USP8: variants seen among roughly 807,000 people sequenced by gnomAD.
USP8 encodes ubiquitin specific peptidase 8.
A neutral mutation model predicts 130.0 loss-of-function variants in USP8; 27 were observed. That is an observed-to-expected ratio of 0.21 (90% CI 0.15 to 0.29). The LOEUF (loss-of-function observed/expected upper bound fraction) is 0.29. Among genes scored for constraint, USP8 ranks in the 10% least tolerant of loss-of-function variants. The pLI, the probability that USP8 is intolerant of heterozygous loss-of-function variation, is 1.00. For synonymous variants in USP8, 392 were observed against 444.1 expected (o/e 0.88, Z 1.48); for missense variants, 1,029 against 1,312.2 (o/e 0.78, Z 3.33).
rs762795803 is a variant in USP8, at chr15:50,499,023, T to G, written c.3292T>G (p.Ser1098Ala). 1.9e-6 allele frequency: 3 copies of G among 1,613,956 alleles called. No homozygotes were observed. Among genetic ancestry groups the G allele is most frequent in the African/African-American group, 1.3e-5 (1 of 75,048 alleles). Residue 1098 changes from serine (S) to alanine (A), a missense_variant, in exon 20 of 20, where the codon TCT becomes GCT. This residue lies in a region of USP8 where 257 missense variants were observed against 429.8 expected (regional missense o/e 0.60). Coordinates refer to ENST00000307179, the MANE Select transcript of USP8 (RefSeq NM_005154.5). ...VSDISVSSVK[S>A]SAAYILFYTS... is the part of the protein sequence containing the mutation. ...TGATATCTCCGTTTCTTCTGTGAAA[T>G]CTTCAGCAGCTTATATCCTCTTTTA...
chr15:50,495,820 T>C, intron 16 of USP8, 28 bp from the exon 17 acceptor site: 1 of 1,543,360 alleles, frequency 6.5e-7, no homozygotes. Flanking sequence ...GAGATATTAA[T>C]ATAGAGCTTA....
chr15:50,427,962 A>G (rs1043671691), intron 1 of USP8, among the ~76,000 whole-genome samples: 1 of 151,254 alleles, frequency 6.6e-6, no homozygotes, highest in Admixed American at 6.6e-5. Context: ...GGCTCAAGTG[A>G]TCCTCCTGCC....
chr15:50,459,514 G>A (rs1445613742), intron 5 of USP8, among the ~76,000 whole-genome samples: 7 of 152,054 alleles, frequency 4.6e-5, no homozygotes, highest in African/African-American at 1.7e-4. Flanking sequence ...AACCCAGGAG[G>A]CAGAGGCTGC....
At chr15:50,484,742 A>G (rs945752566) in intron 12 of USP8, among the ~76,000 whole-genome samples, 2 of 152,228 alleles carry the variant, frequency 1.3e-5, no homozygotes, top group Non-Finnish European at 2.9e-5. Context: ...AGCAACCCAA[A>G]TGTCCATCAG....
At chr15:50,457,189 G>A (rs1433800638) in intron 4 of USP8, among the ~76,000 whole-genome samples, 1 of 152,150 alleles carries the variant, frequency 6.6e-6, no homozygotes, top group Non-Finnish European at 1.5e-5. Context: ...ACAGTTATTT[G>A]AATAGTCACC....
chr15:50,430,119 A>AT (rs917120608), intron 1 of USP8, among the ~76,000 whole-genome samples: 4 of 152,106 alleles, frequency 2.6e-5, no homozygotes, highest in African/African-American at 7.2e-5. Flanking sequence ...TAAGAGTTGT[A>AT]TTTTTTTAGT....
At chr15:50,459,699 A>G (rs1285356454) in intron 5 of USP8, among the ~76,000 whole-genome samples, 2 of 152,186 alleles carry the variant, frequency 1.3e-5, no homozygotes, top group African/African-American at 4.8e-5. Context: ...AGCAGACATT[A>G]TAAACTTAAT....
Position 50,499,013 on chromosome 15 carries a change from T to C in USP8, c.3282T>C (p.Ser1094=). 6.2e-7 allele frequency: 1 copy of C among 1,614,010 alleles called. No individual in the cohort carries two copies. Among genetic ancestry groups the C allele is most frequent in the Non-Finnish European group, 8.5e-7 (1 of 1,179,906 alleles). Residue 1094 remains serine (S), a synonymous_variant, in exon 20 of 20, where the codon TCT becomes TCC. Transcript: ENST00000307179. ...ATGAAGTTTCTGATATCTCCGTTTC[T>C]TCTGTGAAATCTTCAGCAGCTTATA... is the stretch of plus-strand genomic sequence containing the variant. ...DDHEVSDISV[S]SVKSSAAYIL...
Position 50,492,816 on chromosome 15 carries a change from A to G in USP8, c.2350A>G (p.Asn784Asp). The change falls in exon 15 of 20, where the codon AAT becomes GAT. Residue 784 changes from asparagine to aspartate, a missense_variant. Physicochemically the swap from Asn to Asp is conservative, Grantham distance 23. Around this residue, in one of 4 missense-constraint regions of USP8, gnomAD observed 257 missense variants for 429.8 expected, o/e 0.60. Coordinates refer to ENST00000307179, the MANE Select transcript of USP8 (RefSeq NM_005154.5). The stretch of plus-strand genomic sequence containing the variant: ...TCTTACTGGACTTCGTAACTTAGGA[A>G]ATACTTGTTATATGAACTCAATATT... ...PALTGLRNLG[N>D]TCYMNSILQC... The G allele has an allele frequency of 6.2e-7, 1 of 1,614,180 alleles. No individual in the cohort carries two copies. The highest frequency in any genetic ancestry group is 8.5e-7 in the Non-Finnish European group (1 of 1,180,032).
chr15:50,459,379 C>T (rs1163371974), intron 5 of USP8, among the ~76,000 whole-genome samples: 3 of 152,050 alleles, frequency 2.0e-5, no homozygotes, highest in Admixed American at 1.3e-4. Flanking sequence ...AGGCCAGGAG[C>T]TCAAAACCAG....
rs2052551345 is a variant in USP8, at chr15:50,499,964, T to C, written c.*876T>C. On this transcript the variant is annotated 3_prime_UTR_variant, in exon 20 of 20. Transcript: ENST00000307179. ...TAAAAATGCCGGGAGTCAGGCATGA[T>C]TGCAAAGTGAACTGCATTATAAACT... 6.6e-6 allele frequency: 1 copy of C among 152,162 alleles called. No individual in the cohort carries two copies. The highest frequency in any genetic ancestry group is 2.4e-5 in the African/African-American group (1 of 41,436). 9.4% of individuals were successfully genotyped at this position (152,162 alleles called of 1,614,324 possible).
At chr15:50,472,762 T>C (rs1328407673) in intron 8 of USP8, among the ~76,000 whole-genome samples, 2 of 151,754 alleles carry the variant, frequency 1.3e-5, no homozygotes, top group Non-Finnish European at 2.9e-5. Flanking sequence ...AACAAAAAAT[T>C]AGTCGGGCAT....
rs189169648 is a variant in USP8 at position 50,424,432 on chromosome 15, C to T, written c.-148C>T. Reference sequence around the variant, plus strand: ...GCTGGGCTGGCTTCCGTCCTGGTAGCCAAGGCTAATTCTCCCTCGAGTTCT... The same window carrying T: ...GCTGGGCTGGCTTCCGTCCTGGTAGTCAAGGCTAATTCTCCCTCGAGTTCT... On this transcript the variant is annotated 5_prime_UTR_variant, in exon 1 of 20. Coordinates refer to ENST00000307179, the MANE Select transcript of USP8 (RefSeq NM_005154.5). The T allele has an allele frequency of 1.3e-5, 5 of 398,712 alleles. No homozygotes were observed. In the East Asian group the frequency reaches 1.4e-4, roughly 11 times the overall value. The allele number at this position is 398,712 out of a possible 1,614,324, so 24.7% of individuals were successfully genotyped here.
At chr15:50,495,757 A>C in intron 16 of USP8, 91 bp from the exon 17 acceptor site, 1 of 1,041,370 alleles carries the variant, frequency 9.6e-7, no homozygotes, top group Non-Finnish European at 1.4e-6. Flanking sequence ...GTGTTTCTAA[A>C]TCTGGCAAGT....
intron 3 of USP8, among the ~76,000 whole-genome samples, chr15:50,445,624 G>C (rs2050408812): frequency 6.9e-6 from 1 of 144,926 alleles, no homozygotes. Flanking sequence ...GGCAGAGGCA[G>C]GTGGATCACA....
intron 7 of USP8, among the ~76,000 whole-genome samples, 200 bp downstream of exon 7, chr15:50,465,391 T>C (rs1164420503): frequency 6.6e-6 from 1 of 152,060 alleles, no homozygotes; most frequent in African/African-American, 2.4e-5. Flanking sequence ...AGAGGTTTAA[T>C]AGGCAAAAGA....
At chr15:50,444,339 C>T (rs1446262792) in intron 3 of USP8, among the ~76,000 whole-genome samples, 1 of 150,178 alleles carries the variant, frequency 6.7e-6, no homozygotes, top group Non-Finnish European at 1.5e-5. Context: ...TCCTGACCCT[C>T]GGTGATCCAC....
chr15:50,427,935 G>A (rs941184820), intron 1 of USP8, among the ~76,000 whole-genome samples: 3 of 151,330 alleles, frequency 2.0e-5, no homozygotes, highest in East Asian at 1.9e-4. Flanking sequence ...TTGGCTCACT[G>A]TAACCTCTGC....
At chr15:50,461,555 A>G (rs2051006271) in intron 5 of USP8, among the ~76,000 whole-genome samples, 1 of 152,148 alleles carries the variant, frequency 6.6e-6, no homozygotes, top group Non-Finnish European at 1.5e-5. Context: ...GTCTTGGTTA[A>G]AAAATGTAAA....
Sources: allele counts gnomAD v4.1 joint callset (sites outside exome capture counted in the v4.1 genomes callset), GRCh38; gene constraint gnomAD v4.1.1; regional missense constraint gnomAD v4.1.1; transcripts MANE v1.5; gene names NCBI Gene and HGNC (gene_info 2026-07-23, HGNC 2026-07-21).